The following SURF4 variants were observed in gnomAD, a reference collection of about 807,000 sequenced individuals.
SURF4 encodes the protein surfeit 4, also known as surfeit locus protein 4.
SURF4 carries 3 observed loss-of-function variants against 30.0 expected under a neutral mutation model. That is an observed-to-expected ratio of 0.10 (90% confidence interval 0.05 to 0.26). The LOEUF (loss-of-function observed/expected upper bound fraction) is 0.26, where lower values mean the gene tolerates loss of function less well. Ranked by LOEUF, SURF4 falls within the 10% of genes least tolerant of loss-of-function variation. The pLI is 1.00. For synonymous variants in SURF4, 143 were observed against 139.9 expected (o/e 1.02, Z -0.16); for missense variants, 217 against 350.8 (o/e 0.62, Z 3.05).
At chr9:133,377,132 T>G (rs1180477644), upstream of SURF4, among the ~76,000 whole-genome samples, 1 of 152,184 alleles carries the variant, frequency 6.6e-6, no homozygotes, top group East Asian at 1.9e-4. Flanking sequence ...GAATTGTCTT[T>G]GTGTGAGAGG....
chr9:133,376,258 C>T (rs1208745640), upstream of SURF4: 22 of 1,304,452 alleles, frequency 1.7e-5, no homozygotes, highest in Non-Finnish European at 2.0e-5. Flanking sequence ...GCTGGAGGCC[C>T]CGCCCGCCGC....
At chr9:133,369,998 A>C (rs1431095522) in intron 1 of SURF4, among the ~76,000 whole-genome samples, 2 of 152,214 alleles carry the variant, frequency 1.3e-5, no homozygotes, top group African/African-American at 4.8e-5. Context: ...TCCATACCCA[A>C]GACAGACACC....
At chr9:133,373,234 G>A (rs1837612229) in intron 1 of SURF4, among the ~76,000 whole-genome samples, 2 of 152,182 alleles carry the variant, frequency 1.3e-5, no homozygotes, top group South Asian at 4.1e-4. Context: ...CCTGGGAGAG[G>A]TCGACTCTGT....
intron 1 of SURF4, among the ~76,000 whole-genome samples, chr9:133,367,891 C>T (rs1042489543): frequency 7.9e-5 from 12 of 152,268 alleles, no homozygotes; most frequent in African/African-American, 2.7e-4. Flanking sequence ...ATCTATCCAA[C>T]GTTTCTGCAC....
chr9:133,369,853 G>C (rs1286033401), intron 1 of SURF4, among the ~76,000 whole-genome samples: 1 of 152,250 alleles, frequency 6.6e-6, no homozygotes, highest in Non-Finnish European at 1.5e-5. Context: ...CTGGGGAAAA[G>C]CAACCACTGG....
In SURF4 at chr9:133,367,744, G is replaced by A. The variant is rs187266755; in HGVS notation, c.49-299C>T. Among the ~76,000 whole-genome samples the A allele has an allele frequency of 1.9e-3, 285 of 152,376 alleles. 2 individuals carry two copies. The South Asian group carries it at 0.025, about 13-fold the overall frequency. On this transcript the variant is annotated intron_variant, in intron 1 of 5. Transcript: ENST00000371989. ...AGCAGCCCTAACACTCTGCTACCGT[G>A]ATTTCCCCCAGTGCCTCGGCAGGCA...
chr9:133,376,872 G>A (rs1005869553), upstream of SURF4, among the ~76,000 whole-genome samples: 1 of 152,148 alleles, frequency 6.6e-6, no homozygotes, highest in Non-Finnish European at 1.5e-5. Flanking sequence ...CAGGACCCCC[G>A]GGAACATCCC....
intron 1 of SURF4, among the ~76,000 whole-genome samples, chr9:133,372,215 C>T (rs1298850944): frequency 6.6e-6 from 1 of 152,200 alleles, no homozygotes; most frequent in Non-Finnish European, 1.5e-5. Flanking sequence ...TCCCTGGCTG[C>T]CAGAGCAAGC....
chr9:133,362,689 G>T lies in SURF4; in HGVS notation c.*804C>A, dbSNP rs1836893488. On this transcript the variant is annotated 3_prime_UTR_variant, in exon 6 of 6. Coordinates refer to ENST00000371989, the MANE Select transcript of SURF4 (RefSeq NM_033161.4). ...GCAGCTGGCCAGGCTGGCTTGCAGGGTGCTGCTGCTGGGGCTACCCCTGTG... is the reference window on the plus strand; with the variant it reads ...GCAGCTGGCCAGGCTGGCTTGCAGGTTGCTGCTGCTGGGGCTACCCCTGTG... 2 of 153,078 alleles carry T rather than the reference G, an allele frequency of 1.3e-5. No individual in the cohort carries two copies. Among genetic ancestry groups the T allele is most frequent in the South Asian group, 4.1e-4 (2 of 4,842 alleles). 9.5% of individuals were successfully genotyped at this position (153,078 alleles called of 1,614,324 possible). A position where few individuals can be genotyped will look rare whatever the true frequency, so the allele number is the denominator to read the frequency against.
At chr9:133,366,210 T>C in intron 3 of SURF4, 182 bp from the exon 4 acceptor site, 1 of 617,858 alleles carries the variant, frequency 1.6e-6, no homozygotes, top group East Asian at 2.7e-5. Flanking sequence ...TCAAGAAATG[T>C]GCTATGATGT....
chr9:133,372,337 G>T (rs1056066806), intron 1 of SURF4, among the ~76,000 whole-genome samples: 7 of 152,226 alleles, frequency 4.6e-5, no homozygotes, highest in African/African-American at 1.4e-4. Flanking sequence ...CAGAAGGAAA[G>T]ATCAGTCAAC....
Position 133,363,283 on chromosome 9 carries a change from G to A in SURF4, c.*210C>T. On this transcript the variant is annotated 3_prime_UTR_variant, in exon 6 of 6. Transcript: ENST00000371989. The surrounding 1 kb of genome is among the most constrained non-coding windows in gnomAD (Gnocchi z 4.3). ...TCCAGCTGCCAGGCTGGCCTGCACT[G>A]AAGGGTCAGACGCCAGACTGTGGCT... The A allele has an allele frequency of 6.8e-6, 6 of 877,042 alleles. No individual in the cohort carries two copies. Among genetic ancestry groups the A allele is most frequent in the Non-Finnish European group, 1.1e-5 (6 of 538,286 alleles). 54.3% of individuals were successfully genotyped at this position (877,042 alleles called of 1,614,324 possible).
intron 1 of SURF4, 147 bp downstream of exon 1, chr9:133,375,775 G>C (rs1168131622): frequency 2.4e-6 from 2 of 842,648 alleles, no homozygotes; most frequent in East Asian, 7.4e-5. Context: ...AGCCGGGACA[G>C]AGGGCCCGGG....
intron 1 of SURF4, chr9:133,371,160 G>A (rs1837483736): frequency 2.0e-6 from 2 of 984,150 alleles, no homozygotes; most frequent in East Asian, 1.1e-4. Flanking sequence ...GAAAGAAATT[G>A]AGGAAAGCAG....
rs1028363666 is a variant in SURF4, at chr9:133,362,034, G to A, written c.*1459C>T. Reference sequence around the variant, plus strand: ...GGGGTAAGGAAGTAGGCTACCAGGGGAATATTTGCAAACGCGTTGGGACTA... The same window carrying A: ...GGGGTAAGGAAGTAGGCTACCAGGGAAATATTTGCAAACGCGTTGGGACTA... On this transcript the variant is annotated 3_prime_UTR_variant, in exon 6 of 6. Transcript: ENST00000371989. The A allele has an allele frequency of 2.0e-5, 3 of 152,376 alleles. No individual in the cohort carries two copies. The highest frequency in any genetic ancestry group is 2.0e-4 in the Admixed American group (3 of 15,310). 9.4% of individuals were successfully genotyped at this position (152,376 alleles called of 1,614,324 possible).
chr9:133,376,610 G>T (rs2130250004), upstream of SURF4: 5 of 1,491,418 alleles, frequency 3.4e-6, no homozygotes, highest in South Asian at 6.2e-5. Flanking sequence ...GGTAACGGTC[G>T]CAACCCTGGA....
chr9:133,374,857 G>A (rs1005919259), intron 1 of SURF4, among the ~76,000 whole-genome samples: 5 of 151,946 alleles, frequency 3.3e-5, no homozygotes, highest in African/African-American at 1.2e-4. Flanking sequence ...CTAGGCCTCA[G>A]AGTTTGATGA....
Position 133,370,813 on chromosome 9 carries a change from C to T in SURF4, c.49-3368G>A, listed in dbSNP as rs2130182779. On this transcript the variant is annotated intron_variant, in intron 1 of 5. Coordinates refer to ENST00000371989, the MANE Select transcript of SURF4 (RefSeq NM_033161.4). ...CCTCCCCCCCATTAGAGAACTGCGA[C>T]AGCAGAGCCAGAGGTGGCTGTTGAC... 355 of 1,224,742 alleles carry T rather than the reference C, an allele frequency of 2.9e-4. 1 individual carries two copies. In the African/African-American group the frequency reaches 5.0e-3, roughly 17 times the overall value. The allele number at this position is 1,224,742 out of a possible 1,614,324, so 75.9% of individuals were successfully genotyped here.
rs1195016332 is a variant in SURF4 at position 133,363,970 on chromosome 9, G to A, written c.544-211C>T. ...CCAGCTTTGAAATGTGGAAGGTTTG[G>A]GGAAGACTGAAGTTCCCAACTAGTA... On this transcript the variant is annotated intron_variant, in intron 5 of 5. Transcript: ENST00000371989. This position sits in a 1 kb window ranked among gnomAD's most constrained non-coding sequence, Gnocchi z 4.3. The A allele has an allele frequency of 1.4e-6, 1 of 726,664 alleles. No homozygotes were observed. Among genetic ancestry groups the A allele is most frequent in the Non-Finnish European group, 2.5e-6 (1 of 397,004 alleles). 45.0% of individuals were successfully genotyped at this position (726,664 alleles called of 1,614,324 possible). A position where few individuals can be genotyped will look rare whatever the true frequency, so the allele number is the denominator to read the frequency against.
Sources: allele counts gnomAD v4.1 joint callset (sites outside exome capture counted in the v4.1 genomes callset), GRCh38; gene constraint gnomAD v4.1.1; non-coding constraint Gnocchi (gnomAD v3.1); transcripts MANE v1.5; gene names NCBI Gene and HGNC (gene_info 2026-07-23, HGNC 2026-07-21).